MAGI2: variants seen among roughly 807,000 people sequenced by gnomAD.
MAGI2 encodes membrane-associated guanylate kinase, WW and PDZ domain-containing protein 2.
In MAGI2, 35 loss-of-function variants were observed where a neutral mutation model predicts 133.3. That is an observed-to-expected ratio of 0.26 (90% CI 0.20 to 0.35). MAGI2 has a LOEUF of 0.35. Among genes scored for constraint, MAGI2 ranks in the 10% least tolerant of loss-of-function variants. The pLI is 1.00. For missense variants in MAGI2, 1,636 were observed against 1,863.4 expected, an observed-to-expected ratio of 0.88 and a Z score of 2.25; for synonymous variants, 729 against 710.6, an observed-to-expected ratio of 1.03 and a Z score of -0.41.
intron 2 of MAGI2, among the ~76,000 whole-genome samples, chr7:78,776,101 A>G (rs911234749): frequency 4.6e-5 from 7 of 152,378 alleles, no homozygotes; most frequent in African/African-American, 1.7e-4. Flanking sequence ...CATGAGGATC[A>G]AATGAAATTT....
At chr7:78,721,034 A>T (rs973266908) in intron 2 of MAGI2, among the ~76,000 whole-genome samples, 1 of 152,102 alleles carries the variant, frequency 6.6e-6, no homozygotes, top group African/African-American at 2.4e-5. Context: ...CTGAAGAAAG[A>T]GTTGGACCTA....
intron 2 of MAGI2, among the ~76,000 whole-genome samples, chr7:78,632,123 A>C (rs1410889764): frequency 6.6e-6 from 1 of 152,226 alleles, no homozygotes; most frequent in Non-Finnish European, 1.5e-5. Context: ...TTAACTGAGC[A>C]CTTACTATGT....
At chr7:79,011,821 A>G (rs1342123972) in intron 1 of MAGI2, among the ~76,000 whole-genome samples, 2 of 151,962 alleles carry the variant, frequency 1.3e-5, no homozygotes, top group African/African-American at 4.8e-5. Flanking sequence ...TACTTTTTGC[A>G]TTCAACTTTG....
At chr7:79,031,703 C>A (rs924376653) in intron 1 of MAGI2, among the ~76,000 whole-genome samples, 1 of 151,996 alleles carries the variant, frequency 6.6e-6, no homozygotes, top group African/African-American at 2.4e-5. Flanking sequence ...TTTGGCTTCC[C>A]GATGTAAAAT....
At chr7:78,573,068 TATATATATACAC>T (rs1217541866) in intron 3 of MAGI2, among the ~76,000 whole-genome samples, 3 of 85,754 alleles carry the variant, frequency 3.5e-5, no homozygotes, top group African/African-American at 1.0e-4. Context: ...TATATATATA[TATATATATACAC>T]ACACACACAC....
rs780134134 is a variant in MAGI2, at chr7:79,268,795, T to C, written c.301+184225A>G. On this transcript the variant is annotated intron_variant, in intron 1 of 21. Transcript: ENST00000354212. ...AACTGTCAACACCACCAGAAAGAAA[T>C]AACATAACAGCTAATTTCACAGGGG... Among the ~76,000 whole-genome samples the C allele has an allele frequency of 3.3e-5, 5 of 152,144 alleles. No homozygotes were observed. The South Asian group carries it at 8.3e-4, about 25-fold the overall frequency.
intron 5 of MAGI2, among the ~76,000 whole-genome samples, chr7:78,493,209 G>C (rs1455945989): frequency 6.6e-6 from 1 of 152,154 alleles, no homozygotes; most frequent in Non-Finnish European, 1.5e-5. Flanking sequence ...ATATGCAATA[G>C]GTGGATCAGC....
At chr7:79,174,444 A>G (rs992055895) in intron 1 of MAGI2, among the ~76,000 whole-genome samples, 1 of 152,058 alleles carries the variant, frequency 6.6e-6, no homozygotes, top group African/African-American at 2.4e-5. Flanking sequence ...TGTGGTTCGG[A>G]AGGTAATCAA....
At chr7:78,769,441 A>G (rs1488893970) in intron 2 of MAGI2, among the ~76,000 whole-genome samples, 1 of 152,124 alleles carries the variant, frequency 6.6e-6, no homozygotes, top group East Asian at 1.9e-4. Flanking sequence ...TGCCAGAAAG[A>G]TATCTTCTGC....
At chr7:78,799,780 T>C (rs1787911653) in intron 2 of MAGI2, among the ~76,000 whole-genome samples, 1 of 152,218 alleles carries the variant, frequency 6.6e-6, no homozygotes, top group South Asian at 2.1e-4. Flanking sequence ...GCTGTAGCTC[T>C]CTGCCTTTCT....
intron 1 of MAGI2, among the ~76,000 whole-genome samples, chr7:79,394,073 A>T (rs541423390): frequency 6.6e-6 from 1 of 152,254 alleles, no homozygotes; most frequent in South Asian, 2.1e-4. Flanking sequence ...GAGTTCTTCT[A>T]AGACTTGGAG....
chr7:78,017,087 ATATT>A lies in MAGI2; in HGVS notation c.*2224_*2227del, dbSNP rs1395158968. On this transcript the variant is annotated 3_prime_UTR_variant, in exon 22 of 22. Coordinates refer to ENST00000354212, the MANE Select transcript of MAGI2 (RefSeq NM_012301.4). ...GGAAAAAGAAAAGATTTTTGGATATATATTTTATTTGACAGTGTTTTAGAATATC... is the reference window on the plus strand; with the variant it reads ...GGAAAAAGAAAAGATTTTTGGATATATTATTTGACAGTGTTTTAGAATATC... The A allele has an allele frequency of 6.5e-6, 1 of 152,674 alleles. No individual in the cohort carries two copies. Among genetic ancestry groups the A allele is most frequent in the East Asian group, 1.9e-4 (1 of 5,200 alleles). 9.5% of individuals were successfully genotyped at this position (152,674 alleles called of 1,614,324 possible). A position where few individuals can be genotyped will look rare whatever the true frequency, so the allele number is the denominator to read the frequency against.
At chr7:78,690,491 AGCC>A (rs1315382895) in intron 2 of MAGI2, among the ~76,000 whole-genome samples, 2 of 152,254 alleles carry the variant, frequency 1.3e-5, no homozygotes, top group Non-Finnish European at 2.9e-5. Flanking sequence ...TGAGAATGTG[AGCC>A]ACTCACCAGA....
At chr7:79,451,034 C>A (rs73147494) in intron 1 of MAGI2, among the ~76,000 whole-genome samples, 45,922 of 152,058 alleles carry the variant, frequency 0.3, 7,047 homozygotes, top group East Asian at 0.38. Flanking sequence ...CACTTCTCCA[C>A]GTTAAGTCTT....
intron 6 of MAGI2, among the ~76,000 whole-genome samples, chr7:78,435,828 T>C (rs1800232082): frequency 6.6e-6 from 1 of 152,190 alleles, no homozygotes; most frequent in African/African-American, 2.4e-5. Context: ...CAGATTTCTA[T>C]TGGAAAGGGG....
chr7:78,346,993 C>T (rs1270859997), intron 7 of MAGI2: 1 of 152,198 alleles, frequency 6.6e-6, no homozygotes, highest in Non-Finnish European at 1.5e-5. Context: ...CATAACAACC[C>T]AGACTTGCAT....
intron 9 of MAGI2, among the ~76,000 whole-genome samples, chr7:78,307,181 G>A (rs1042483801): frequency 6.6e-5 from 10 of 152,042 alleles, no homozygotes; most frequent in African/African-American, 2.4e-4. Flanking sequence ...ATGCCCAAAG[G>A]ACAACTTTTG....
chr7:79,169,974 T>C (rs2024253), intron 1 of MAGI2, among the ~76,000 whole-genome samples: 104,209 of 151,628 alleles, frequency 0.69, 39,098 homozygotes, highest in Non-Finnish European at 0.85. Flanking sequence ...ATCATTTCAA[T>C]TGATGTTTAT....
intron 6 of MAGI2, among the ~76,000 whole-genome samples, chr7:78,453,675 T>C (rs1054661467): frequency 1.3e-5 from 2 of 152,188 alleles, no homozygotes; most frequent in African/African-American, 4.8e-5. Flanking sequence ...ACAGTTATCA[T>C]GTGTCAGGCA....
Sources: gnomAD v4.1 joint callset for allele counts (sites outside exome capture counted in the v4.1 genomes callset) on GRCh38, gnomAD v4.1.1 for gene constraint, MANE v1.5 for transcripts, NCBI Gene and HGNC (gene_info 2026-07-23, HGNC 2026-07-21) for gene names.